The following EZR variants were observed in gnomAD, a reference collection of about 807,000 sequenced individuals.
EZR encodes the protein cytovillin 2.
In EZR, 40 loss-of-function variants were observed where a neutral mutation model predicts 74.8. That is an observed-to-expected ratio of 0.53 (90% CI 0.42 to 0.70). The LOEUF (loss-of-function observed/expected upper bound fraction) is 0.70, where lower values mean the gene tolerates loss of function less well. EZR is among the 30% of genes least tolerant of loss of function. The probability of loss-of-function intolerance (pLI) is 0.00; values close to 1 mark genes in which losing one functional copy is unlikely to be tolerated. For synonymous variants in EZR, 341 were observed against 283.3 expected (o/e 1.20, Z -2.05); for missense variants, 678 against 755.8 (o/e 0.90, Z 1.21).
In EZR at chr6:158,776,510, GT is replaced by G. The variant is rs756164621; in HGVS notation, c.699-7del. On this transcript the variant is annotated splice_polypyrimidine_tract_variant and splice_region_variant and intron_variant, in intron 7 of 13. Coordinates refer to ENST00000367075, the MANE Select transcript of EZR (RefSeq NM_001111077.2). Reference sequence around the variant, plus strand: ...AGCCAATCTTTGGGGTTAACCTGAGGTTAAAAAGAAGAAGTGGATGGTTAGA... The same window carrying G: ...AGCCAATCTTTGGGGTTAACCTGAGGTAAAAAGAAGAAGTGGATGGTTAGA... 1 of 1,604,430 alleles carries G rather than the reference GT, an allele frequency of 6.2e-7. No individual in the cohort carries two copies. Among genetic ancestry groups the G allele is most frequent in the Non-Finnish European group, 8.5e-7 (1 of 1,174,906 alleles).
intron 9 of EZR, 50 bp downstream of exon 9, chr6:158,771,194 G>A (rs563150777): frequency 2.6e-6 from 4 of 1,558,224 alleles, no homozygotes; most frequent in African/African-American, 1.4e-5. Context: ...GCTGCCAGTG[G>A]CTGAGTTGGG....
At chr6:158,784,927 C>T (rs1791530809) in intron 5 of EZR, among the ~76,000 whole-genome samples, 200 bp from the exon 6 acceptor site, 1 of 152,204 alleles carries the variant, frequency 6.6e-6, no homozygotes, top group Non-Finnish European at 1.5e-5. Flanking sequence ...TGAACAAGAA[C>T]TCAGTTCTGC....
intron 8 of EZR, among the ~76,000 whole-genome samples, chr6:158,774,965 C>T (rs1384597112): frequency 2.0e-5 from 3 of 150,864 alleles, no homozygotes; most frequent in Non-Finnish European, 2.9e-5. Flanking sequence ...ATTCAATACG[C>T]GTTTAATTTT....
intron 12 of EZR, among the ~76,000 whole-genome samples, chr6:158,768,172 G>A (rs1172011697): frequency 6.6e-6 from 1 of 151,960 alleles, no homozygotes; most frequent in East Asian, 1.9e-4. Flanking sequence ...CTGTTCTCGT[G>A]CTAGTGGGTG....
chr6:158,807,043 T>C (rs576618887), intron 2 of EZR, among the ~76,000 whole-genome samples: 1 of 152,336 alleles, frequency 6.6e-6, no homozygotes, highest in South Asian at 2.1e-4. Context: ...CCAGGCGCAG[T>C]GGCTCACGCC....
At chr6:158,800,827 A>T (rs1404376568) in intron 2 of EZR, among the ~76,000 whole-genome samples, 5 of 152,170 alleles carry the variant, frequency 3.3e-5, no homozygotes, top group African/African-American at 7.2e-5. Flanking sequence ...GTACTAATAA[A>T]ATAATCCTGA....
chr6:158,790,785 A>G (rs1187659745), intron 2 of EZR, among the ~76,000 whole-genome samples: 2 of 152,246 alleles, frequency 1.3e-5, no homozygotes, highest in African/African-American at 2.4e-5. Flanking sequence ...AAAGTGTATG[A>G]AAAACACTCA....
At chr6:158,790,210 A>C (rs3127222) in intron 2 of EZR, among the ~76,000 whole-genome samples, 80,460 of 152,132 alleles carry the variant, frequency 0.53, 22,171 homozygotes, top group Non-Finnish European at 0.61. Context: ...CTTCTGAAAT[A>C]AAAAATACGA....
intron 2 of EZR, among the ~76,000 whole-genome samples, chr6:158,808,716 G>T (rs1448518039): frequency 3.3e-5 from 5 of 152,134 alleles, no homozygotes; most frequent in Non-Finnish European, 5.9e-5. Flanking sequence ...ACTTGCCCAA[G>T]ATTACCCACT....
chr6:158,784,345 A>C (rs1480497009), intron 6 of EZR, among the ~76,000 whole-genome samples: 1 of 152,264 alleles, frequency 6.6e-6, no homozygotes, highest in Non-Finnish European at 1.5e-5. Context: ...TGCTGATTGC[A>C]GGTGAACAAT....
At chr6:158,780,149 C>T (rs1410763255) in intron 7 of EZR, among the ~76,000 whole-genome samples, 3 of 147,614 alleles carry the variant, frequency 2.0e-5, no homozygotes, top group Admixed American at 2.0e-4. Flanking sequence ...TGCCATTGCA[C>T]TCCACCCTGG....
At position 158,769,413 on chromosome 6, in the gene EZR, C is replaced by T. The variant is rs965660801; in HGVS notation, c.1257G>A (p.Ala419=). 29 of 1,605,748 alleles carry T rather than the reference C, an allele frequency of 1.8e-5. No individual in the cohort carries two copies. The highest frequency in any genetic ancestry group is 6.7e-5 in the East Asian group (3 of 44,898). The change falls in exon 12 of 14, where the codon GCG becomes GCA. Residue 419 remains alanine, a synonymous_variant. Transcript: ENST00000367075. ...TCTTGGCAGTGTATTCTGCAAGCTC[C>T]GCAGCCTGGGAAGGGAATGCCAAGC... The part of the protein sequence containing the change: ...DQIKSQEQLA[A]ELAEYTAKIA...
chr6:158,795,574 G>A (rs531239399), intron 2 of EZR, among the ~76,000 whole-genome samples: 36 of 152,222 alleles, frequency 2.4e-4, no homozygotes, highest in South Asian at 1.9e-3. Context: ...ATGTTCATTC[G>A]ATCCACAAAT....
intron 13 of EZR, 25 bp from the exon 14 acceptor site, chr6:158,767,103 T>A (rs1347709430): frequency 6.2e-7 from 1 of 1,613,298 alleles, no homozygotes; most frequent in Non-Finnish European, 8.5e-7. Context: ...AGCATTGGTC[T>A]AGTCCCTTCC....
intron 3 of EZR, among the ~76,000 whole-genome samples, 195 bp downstream of exon 3, chr6:158,789,093 C>G (rs1055532836): frequency 1.3e-5 from 2 of 152,186 alleles, no homozygotes; most frequent in Non-Finnish European, 2.9e-5. Flanking sequence ...ACCTCACTTC[C>G]TAGGCATGAT....
intron 2 of EZR, among the ~76,000 whole-genome samples, chr6:158,803,989 A>T (rs1454421582): frequency 6.6e-6 from 1 of 152,156 alleles, no homozygotes; most frequent in Non-Finnish European, 1.5e-5. Flanking sequence ...TGTCCACTGC[A>T]TCTGGGAGGC....
chr6:158,786,256 C>A (rs1436223935), intron 4 of EZR, among the ~76,000 whole-genome samples: 1 of 152,028 alleles, frequency 6.6e-6, no homozygotes, highest in Non-Finnish European at 1.5e-5. Flanking sequence ...CAGCTGTAGT[C>A]CCAGCTACTT....
intron 2 of EZR, among the ~76,000 whole-genome samples, chr6:158,804,859 C>A (rs1265420411): frequency 6.6e-6 from 1 of 150,594 alleles, no homozygotes; most frequent in Non-Finnish European, 1.5e-5. Flanking sequence ...GTGCGCTGCA[C>A]CCACTAACTC....
At chr6:158,782,752 T>C (rs1791467200) in intron 7 of EZR, among the ~76,000 whole-genome samples, 1 of 152,244 alleles carries the variant, frequency 6.6e-6, no homozygotes, top group Non-Finnish European at 1.5e-5. Flanking sequence ...CCCTTCTCTT[T>C]CCAGAGGTAG....
Sources: gnomAD v4.1 joint callset for allele counts (sites outside exome capture counted in the v4.1 genomes callset) on GRCh38, gnomAD v4.1.1 for gene constraint, MANE v1.5 for transcripts, NCBI Gene and HGNC (gene_info 2026-07-23, HGNC 2026-07-21) for gene names.